Variants in SCNN1B observed in about 807,000 individuals in gnomAD.
SCNN1B encodes the protein sodium channel epithelial 1 subunit beta.
SCNN1B carries 46 observed loss-of-function variants against 65.3 expected under a neutral mutation model. The observed-to-expected ratio is 0.70, with a 90% CI of 0.56 to 0.90. The LOEUF is 0.90. Ranked by LOEUF, SCNN1B falls within the 40% of genes least tolerant of loss-of-function variation. The pLI is 0.00. For missense variants in SCNN1B, 751 were observed against 830.5 expected, an observed-to-expected ratio of 0.90 and a Z score of 1.18; for synonymous variants, 349 against 330.6, an observed-to-expected ratio of 1.06 and a Z score of -0.60.
chr16:23,297,101 G>T (rs1961009731), intron 2 of SCNN1B, among the ~76,000 whole-genome samples: 1 of 152,118 alleles, frequency 6.6e-6, no homozygotes, highest in Non-Finnish European at 1.5e-5. Flanking sequence ...GCGCCTGGGG[G>T]CCTCCGGACC....
At chr16:23,376,257 C>A (rs9931419) in intron 8 of SCNN1B, among the ~76,000 whole-genome samples, 3 of 152,030 alleles carry the variant, frequency 2.0e-5, no homozygotes, top group African/African-American at 7.3e-5. Flanking sequence ...AGGAGCTGTT[C>A]GTGACTGCAG....
chr16:23,304,231 A>T (rs1961145657), intron 1 of SCNN1B: 1 of 703,056 alleles, frequency 1.4e-6, no homozygotes, highest in African/African-American at 1.8e-5. Flanking sequence ...TCCACTGCTC[A>T]CATACGGACC....
chr16:23,353,784 C>T (rs1962361842), intron 3 of SCNN1B, among the ~76,000 whole-genome samples: 1 of 152,204 alleles, frequency 6.6e-6, no homozygotes, highest in South Asian at 2.1e-4. Context: ...CAGTCACATG[C>T]CAAGAAACAA....
At position 23,375,774 on chromosome 16, in the gene SCNN1B, C is replaced by T. The variant is rs372303239; in HGVS notation, c.1189C>T (p.Arg397Cys). The change falls in exon 8 of 13, where the codon CGT becomes TGT. Residue 397 changes from arginine (R) to cysteine (C), a missense_variant. Transcript: ENST00000343070. ...CTCCTGCTTCCAAGACCACATGATC[C>T]GTAACTGCAACTGTGGCCACTACCT... ...LRSCFQDHMI[R>C]NCNCGHYLYP... The T allele has an allele frequency of 1.6e-5, 26 of 1,614,018 alleles. No homozygotes were observed. Among genetic ancestry groups the T allele is most frequent in the African/African-American group, 4.0e-5 (3 of 74,942 alleles).
Position 23,352,867 on chromosome 16 carries a change from C to G in SCNN1B, c.378C>G (p.Ile126Met), listed in dbSNP as rs747581038. 1.2e-6 allele frequency: 2 copies of G among 1,614,046 alleles called. No individual in the cohort carries two copies. The highest frequency in any genetic ancestry group is 1.7e-6 in the Non-Finnish European group (2 of 1,180,038). Residue 126 changes from isoleucine to methionine, a missense_variant, in exon 3 of 13, where the codon ATC becomes ATG. Coordinates refer to ENST00000343070, the MANE Select transcript of SCNN1B (RefSeq NM_000336.3). ...TGATGGAAGCTGTCCTGGAGAGAATCCTGGCTCCTGAGCTAAGCCATGCCA... is the reference window on the plus strand; with the variant it reads ...TGATGGAAGCTGTCCTGGAGAGAATGCTGGCTCCTGAGCTAAGCCATGCCA... The part of the protein sequence containing the change: ...DELMEAVLER[I>M]LAPELSHANA...
upstream of SCNN1B, among the ~76,000 whole-genome samples, chr16:23,301,976 T>C (rs1327263977): frequency 6.6e-6 from 1 of 151,628 alleles, no homozygotes; most frequent in African/African-American, 2.4e-5. Flanking sequence ...GGTACACGCG[T>C]GGGGTGGGAT....
chr16:23,331,140 G>A (rs1174788280), intron 1 of SCNN1B, among the ~76,000 whole-genome samples: 1 of 152,112 alleles, frequency 6.6e-6, no homozygotes, highest in Admixed American at 6.6e-5. Context: ...TGTTGAAGAG[G>A]GTGGCAGGTC....
chr16:23,304,882 C>G (rs776414272), intron 1 of SCNN1B, among the ~76,000 whole-genome samples: 1 of 152,148 alleles, frequency 6.6e-6, no homozygotes, highest in South Asian at 2.1e-4. Flanking sequence ...CCTCCCCAAA[C>G]TGTTAGGTGG....
At chr16:23,319,298 G>A (rs571038311) in intron 1 of SCNN1B, among the ~76,000 whole-genome samples, 6 of 152,114 alleles carry the variant, frequency 3.9e-5, no homozygotes, top group South Asian at 2.1e-4. Flanking sequence ...CACCTGCCTC[G>A]GCCTCCCAAA....
intron 1 of SCNN1B, among the ~76,000 whole-genome samples, chr16:23,325,741 A>G (rs1215714643): frequency 2.6e-5 from 4 of 151,928 alleles, no homozygotes; most frequent in African/African-American, 9.7e-5. Context: ...AGATCCTTAC[A>G]CCAGGGTTGT....
At chr16:23,370,094 C>A (rs879896427) in intron 5 of SCNN1B, among the ~76,000 whole-genome samples, 1 of 152,020 alleles carries the variant, frequency 6.6e-6, no homozygotes, top group Non-Finnish European at 1.5e-5. Context: ...CAATGCCCAA[C>A]TAATTTTTGT....
At chr16:23,344,365 C>T (rs1962141615) in intron 1 of SCNN1B, among the ~76,000 whole-genome samples, 1 of 152,202 alleles carries the variant, frequency 6.6e-6, no homozygotes, top group South Asian at 2.1e-4. Flanking sequence ...AGAATAATTA[C>T]ATGAGAATAG....
At chr16:23,360,596 T>C (rs1375753682) in intron 4 of SCNN1B, among the ~76,000 whole-genome samples, 74 of 146,762 alleles carry the variant, frequency 5.0e-4, no homozygotes, top group African/African-American at 1.8e-3. Flanking sequence ...TGGTGGTTTT[T>C]TTTTTTTTTT....
chr16:23,339,008 C>T (rs1422208841), intron 1 of SCNN1B, among the ~76,000 whole-genome samples: 1 of 152,210 alleles, frequency 6.6e-6, no homozygotes, highest in East Asian at 1.9e-4. Context: ...CCAAAAGGCT[C>T]CCTGTACAAC....
At chr16:23,367,249 C>T (rs1962687928) in intron 4 of SCNN1B, among the ~76,000 whole-genome samples, 1 of 152,120 alleles carries the variant, frequency 6.6e-6, no homozygotes, top group Non-Finnish European at 1.5e-5. Context: ...GAGGTGTATA[C>T]GAGACAGATG....
intron 1 of SCNN1B, among the ~76,000 whole-genome samples, chr16:23,333,743 G>C (rs906424585): frequency 1.3e-5 from 2 of 152,132 alleles, no homozygotes; most frequent in South Asian, 2.1e-4. Context: ...AGGCCAAGGT[G>C]GGGGGATTGC....
Position 23,380,603 on chromosome 16 carries a change from G to A in SCNN1B, c.1725G>A (p.Pro575=), listed in dbSNP as rs575122113. 7.4e-5 allele frequency: 120 copies of A among 1,613,914 alleles called. No homozygotes were observed. Among genetic ancestry groups the A allele is most frequent in the East Asian group, 1.8e-4 (8 of 44,868 alleles). ...RRAQASYAGP[P]PTVAELVEAH... ...CCCAAGCCAGCTACGCTGGCCCACC[G>A]CCCACCGTGGCCGAGCTGGTGGAGG... The change falls in exon 13 of 13, where the codon CCG becomes CCA. Residue 575 remains proline, a synonymous_variant. Coordinates refer to ENST00000343070, the MANE Select transcript of SCNN1B (RefSeq NM_000336.3). This position sits in a 1 kb window ranked among gnomAD's most constrained non-coding sequence, Gnocchi z 5.4.
At chr16:23,292,406 T>C (rs530456054) in intron 2 of SCNN1B, among the ~76,000 whole-genome samples, 95 of 151,882 alleles carry the variant, frequency 6.3e-4, no homozygotes, top group African/African-American at 1.9e-3. Context: ...ACTGTGTTAG[T>C]CAGGATGGTC....
chr16:23,366,409 G>A (rs1425842031), intron 4 of SCNN1B, among the ~76,000 whole-genome samples: 1 of 151,774 alleles, frequency 6.6e-6, no homozygotes, highest in Non-Finnish European at 1.5e-5. Flanking sequence ...GTAGAGATAG[G>A]GTCTCAATTC....
Sources: gnomAD v4.1 joint callset for allele counts (sites outside exome capture counted in the v4.1 genomes callset) on GRCh38, gnomAD v4.1.1 for gene constraint, Gnocchi (gnomAD v3.1) non-coding constraint, MANE v1.5 for transcripts, NCBI Gene and HGNC (gene_info 2026-07-23, HGNC 2026-07-21) for gene names.